Variants in DUSP10 observed in about 807,000 individuals in gnomAD.
The protein encoded by DUSP10 is dual specificity protein phosphatase 10.
In DUSP10, 14 loss-of-function variants were observed where a neutral mutation model predicts 30.8. That is an observed-to-expected ratio of 0.46 (90% CI 0.30 to 0.71). The LOEUF (loss-of-function observed/expected upper bound fraction) is 0.71. DUSP10 is among the 30% of genes least tolerant of loss of function. DUSP10 has a pLI of 0.08. For synonymous variants in DUSP10, 254 were observed against 250.4 expected, an observed-to-expected ratio of 1.01 and a Z score of -0.14; for missense variants, 550 against 619.4, an observed-to-expected ratio of 0.89 and a Z score of 1.19.
Position 221,706,871 on chromosome 1 carries a change from C to A in DUSP10, c.812-405G>T, listed in dbSNP as rs748117127. Among the ~76,000 whole-genome samples, 1 of 152,148 alleles carries A rather than the reference C, an allele frequency of 6.6e-6. No individual in the cohort carries two copies. The highest frequency in any genetic ancestry group is 2.4e-5 in the African/African-American group (1 of 41,418). On this transcript the variant is annotated intron_variant, in intron 2 of 3. Transcript: ENST00000366899. The surrounding 1 kb of genome is among the most constrained non-coding windows in gnomAD (Gnocchi z 4.6). ...CCAAGAAAGGCACAGATGACCTCCTCGGGTGGAATCTCAGCACCACAGGAG... is the reference window on the plus strand; with the variant it reads ...CCAAGAAAGGCACAGATGACCTCCTAGGGTGGAATCTCAGCACCACAGGAG...
At position 221,702,438 on chromosome 1, in the gene DUSP10, G is replaced by A; in HGVS notation, c.1423C>T (p.Leu475=). 1.2e-6 allele frequency: 2 copies of A among 1,613,976 alleles called. No individual in the cohort carries two copies. The highest frequency in any genetic ancestry group is 1.7e-6 in the Non-Finnish European group (2 of 1,180,018). ...GVTPRILTPK[L]MGVETVV is the part of the protein sequence containing the mutation. ...CACACAACCGTCTCCACGCCCATCAGCTTTGGTGTAAGGATTCTCGGTGTC... is the reference window on the plus strand; with the variant it reads ...CACACAACCGTCTCCACGCCCATCAACTTTGGTGTAAGGATTCTCGGTGTC... Residue 475 remains leucine (L), a synonymous_variant, in exon 4 of 4, where the codon CTG becomes TTG. Coordinates refer to ENST00000366899, the MANE Select transcript of DUSP10 (RefSeq NM_007207.6). This position sits in a 1 kb window ranked among gnomAD's most constrained non-coding sequence, Gnocchi z 4.5.
intron 2 of DUSP10, among the ~76,000 whole-genome samples, chr1:221,715,367 G>A (rs1423796879): frequency 4.6e-5 from 7 of 152,064 alleles, no homozygotes; most frequent in African/African-American, 7.2e-5. Context: ...TGGCTCAGAA[G>A]TTGCCTCAGG....
intron 3 of DUSP10, among the ~76,000 whole-genome samples, chr1:221,705,013 G>T (rs1247966778): frequency 2.0e-5 from 3 of 151,876 alleles, no homozygotes; most frequent in Non-Finnish European, 4.4e-5. Flanking sequence ...AAAAGTACTA[G>T]GCCACCCCTT....
At chr1:221,720,689 T>A (rs1661257221) in intron 2 of DUSP10, among the ~76,000 whole-genome samples, 1 of 152,146 alleles carries the variant, frequency 6.6e-6, no homozygotes. Flanking sequence ...GGGGCATAAA[T>A]CCACAGAGGT....
chr1:221,714,609 A>G (rs559555823), intron 2 of DUSP10, among the ~76,000 whole-genome samples: 2 of 152,162 alleles, frequency 1.3e-5, no homozygotes, highest in Non-Finnish European at 2.9e-5. Context: ...TGTGAGCCCT[A>G]TGTAAATCAG....
rs1249737600 is a variant in DUSP10 at position 221,702,695 on chromosome 1, G to C, written c.1184-18C>G. 2 of 1,611,426 alleles carry C rather than the reference G, an allele frequency of 1.2e-6. No homozygotes were observed. The highest frequency in any genetic ancestry group is 2.7e-5 in the African/African-American group (2 of 74,794). On this transcript the variant is annotated intron_variant, in intron 3 of 3. Transcript: ENST00000366899. The surrounding 1 kb of genome is among the most constrained non-coding windows in gnomAD (Gnocchi z 4.5). ...AGCTTCCTCTGAAAAAAGGGAGAAA[G>C]ACAAGAGATGAAGGGAAGATGGAAG...
intron 2 of DUSP10, among the ~76,000 whole-genome samples, chr1:221,736,074 T>C (rs1661758630): frequency 6.6e-6 from 1 of 152,150 alleles, no homozygotes; most frequent in Admixed American, 6.5e-5. Flanking sequence ...GAGGGCACTG[T>C]AAATTAGAAC....
At chr1:221,726,969 A>G (rs1341804381) in intron 2 of DUSP10, among the ~76,000 whole-genome samples, 1 of 152,150 alleles carries the variant, frequency 6.6e-6, no homozygotes, top group Non-Finnish European at 1.5e-5. Context: ...TGCATTCGTT[A>G]TTGTTCAAAG....
intron 2 of DUSP10, among the ~76,000 whole-genome samples, chr1:221,725,396 G>T (rs1661397075): frequency 6.6e-6 from 1 of 152,096 alleles, no homozygotes; most frequent in Non-Finnish European, 1.5e-5. Context: ...CCCAATCTTT[G>T]TAAGAGAGGG....
chr1:221,711,930 A>C (rs556584230), intron 2 of DUSP10: 1 of 152,356 alleles, frequency 6.6e-6, no homozygotes, highest in African/African-American at 2.4e-5. Context: ...ACTGGAGCTG[A>C]TGTCAGGCTG....
chr1:221,714,936 A>G (rs1661054531), intron 2 of DUSP10, among the ~76,000 whole-genome samples: 1 of 152,180 alleles, frequency 6.6e-6, no homozygotes. Context: ...AGAAGCTAAT[A>G]CTTGACAATG....
chr1:221,723,241 T>C (rs1287544251), intron 2 of DUSP10, among the ~76,000 whole-genome samples: 1 of 152,180 alleles, frequency 6.6e-6, no homozygotes, highest in East Asian at 1.9e-4. Context: ...CTGATCCTAG[T>C]GGTCAAAAGC....
intron 2 of DUSP10, among the ~76,000 whole-genome samples, chr1:221,708,092 C>T (rs901390558): frequency 7.9e-5 from 12 of 152,320 alleles, no homozygotes; most frequent in African/African-American, 2.9e-4. Context: ...TCTGGCTTTC[C>T]CTTTGAAAAG....
At chr1:221,726,591 A>G (rs1427416301) in intron 2 of DUSP10, among the ~76,000 whole-genome samples, 2 of 151,998 alleles carry the variant, frequency 1.3e-5, no homozygotes, top group African/African-American at 2.4e-5. Context: ...TCTTTCTAAA[A>G]TGTTCTTAAT....
chr1:221,728,836 C>T (rs974436715), intron 2 of DUSP10, among the ~76,000 whole-genome samples: 1 of 152,182 alleles, frequency 6.6e-6, no homozygotes. Flanking sequence ...TACCTTTGTT[C>T]ATCTACTTCC....
chr1:221,717,458 C>CAG (rs34500007), intron 2 of DUSP10, among the ~76,000 whole-genome samples: 3,516 of 149,334 alleles, frequency 0.024, 38 homozygotes, highest in Non-Finnish European at 0.027. Flanking sequence ...GGAAAAGAAA[C>CAG]AGAGAGAGAG....
intron 2 of DUSP10, among the ~76,000 whole-genome samples, chr1:221,728,009 G>A (rs1209199032): frequency 2.0e-5 from 3 of 152,186 alleles, no homozygotes; most frequent in Admixed American, 1.3e-4. Flanking sequence ...AGTGGATTAA[G>A]ACCATAATTG....
intron 2 of DUSP10, among the ~76,000 whole-genome samples, chr1:221,707,140 G>A (rs1014883136): frequency 1.1e-4 from 17 of 152,118 alleles, no homozygotes; most frequent in Admixed American, 9.2e-4. Flanking sequence ...AAATGAATAC[G>A]TGTAAAATAC....
intron 2 of DUSP10, among the ~76,000 whole-genome samples, chr1:221,712,119 T>C (rs991165112): frequency 4.6e-5 from 7 of 152,304 alleles, no homozygotes; most frequent in African/African-American, 1.4e-4. Flanking sequence ...ATAGATGTGA[T>C]TGGGTATTTT....
Sources: gnomAD v4.1 joint callset for allele counts (sites outside exome capture counted in the v4.1 genomes callset) on GRCh38, gnomAD v4.1.1 for gene constraint, Gnocchi (gnomAD v3.1) non-coding constraint, MANE v1.5 for transcripts, NCBI Gene and HGNC (gene_info 2026-07-23, HGNC 2026-07-21) for gene names.